The following LARP4B variants were observed in gnomAD, a reference collection of about 807,000 sequenced individuals.
LARP4B encodes the protein La ribonucleoprotein 4B.
LARP4B carries 12 observed loss-of-function variants against 89.8 expected under a neutral mutation model. The ratio of observed to expected loss-of-function variants is 0.13; its 90% CI spans 0.09 to 0.22. The LOEUF (loss-of-function observed/expected upper bound fraction) is 0.22. LARP4B is among the 10% of genes least tolerant of loss of function. The pLI is 1.00. For missense variants in LARP4B, 757 were observed against 947.7 expected (o/e 0.80, Z 2.64); for synonymous variants, 367 against 363.3 (o/e 1.01, Z -0.12).
intron 8 of LARP4B, 72 bp downstream of exon 8, chr10:836,331 T>C: frequency 9.1e-7 from 1 of 1,097,250 alleles, no homozygotes; most frequent in South Asian, 1.4e-5. Flanking sequence ...AACACAAAAG[T>C]AAAATAAAAT....
At position 829,523 on chromosome 10, in the gene LARP4B, C is replaced by T; in HGVS notation, c.987G>A (p.Val329=). Residue 329 remains valine (V), a synonymous_variant, in exon 11 of 18, where the codon GTG becomes GTA. Coordinates refer to ENST00000316157, the MANE Select transcript of LARP4B (RefSeq NM_015155.3). ...CGTAGCGCTGCTGGGCATACAGGCT[C>T]ACGTCCAGGGGTCTAAATCCATTCT... The part of the protein sequence containing the change: ...LPKNGFRPLD[V]SLYAQQRYAT... The T allele has an allele frequency of 9.3e-6, 15 of 1,614,164 alleles. No homozygotes were observed. Among genetic ancestry groups the T allele is most frequent in the Non-Finnish European group, 1.2e-5 (14 of 1,180,034 alleles).
intron 7 of LARP4B, among the ~76,000 whole-genome samples, chr10:839,093 T>C (rs1295809980): frequency 1.3e-5 from 2 of 152,204 alleles, no homozygotes; most frequent in African/African-American, 4.8e-5. Context: ...GATCAGTGGC[T>C]TCCAGTGACT....
At chr10:932,220 GACCCTGGCCACCCAGGACAC>G (rs1393292540), upstream of LARP4B, among the ~76,000 whole-genome samples, 58 of 68,814 alleles carry the variant, frequency 8.4e-4, no homozygotes, top group African/African-American at 3.3e-3. Context: ...CCCAGGCCCC[GACCCTGGCCACCCAGGACAC>G]GCCCTGGCCC....
rs1334322133 is a variant in LARP4B at position 863,831 on chromosome 10, T to C, written c.342A>G (p.Pro114=). Residue 114 remains proline (P), a synonymous_variant, in exon 5 of 18, where the codon CCA becomes CCG. Transcript: ENST00000316157. The stretch of plus-strand genomic sequence containing the variant: ...CTGCTGGGTCCGACTCCTGCGGGTC[T>C]GGCAATGCGGCATTCTCATGGCCCT... ...GDQGHENAAL[P]DPQESDPADM... is the part of the protein sequence containing the mutation. 1.2e-6 allele frequency: 2 copies of C among 1,614,080 alleles called. No individual in the cohort carries two copies. Among genetic ancestry groups the C allele is most frequent in the Non-Finnish European group, 1.7e-6 (2 of 1,180,038 alleles).
intron 3 of LARP4B, among the ~76,000 whole-genome samples, 161 bp from the exon 4 acceptor site, chr10:864,431 A>G (rs1834788109): frequency 1.3e-5 from 2 of 152,114 alleles, no homozygotes; most frequent in African/African-American, 4.8e-5. Context: ...ATTAAAAAAA[A>G]AAAAAAAGCA....
At chr10:834,715 C>T (rs148509243) in intron 8 of LARP4B, among the ~76,000 whole-genome samples, 3,246 of 152,270 alleles carry the variant, frequency 0.021, 65 homozygotes, top group Admixed American at 0.061. Flanking sequence ...AATATAAATA[C>T]TCCAAAATCA....
chr10:863,914 G>A (rs1393007561), intron 4 of LARP4B, 31 bp from the exon 5 acceptor site: 6 of 1,594,572 alleles, frequency 3.8e-6, no homozygotes, highest in East Asian at 2.2e-5. Context: ...CAAAAAGGCA[G>A]GGTTAGAAGC....
At chr10:852,157 G>C (rs1254989391) in intron 5 of LARP4B, among the ~76,000 whole-genome samples, 1 of 152,090 alleles carries the variant, frequency 6.6e-6, no homozygotes, top group Non-Finnish European at 1.5e-5. Flanking sequence ...CTCATATGAG[G>C]GTGAAATAAT....
intron 1 of LARP4B, among the ~76,000 whole-genome samples, chr10:924,854 C>A (rs931192138): frequency 1.3e-5 from 2 of 152,238 alleles, no homozygotes; most frequent in African/African-American, 4.8e-5. Context: ...ATCTATCCCT[C>A]TTGTTCACCA....
the LARP4B span, among the ~76,000 whole-genome samples, chr10:957,330 T>C: frequency 6.6e-6 from 1 of 152,014 alleles, no homozygotes; most frequent in East Asian, 1.9e-4. Flanking sequence ...ACTCGGCTGA[T>C]TTTTGTTTTG....
At chr10:949,728 C>T in the LARP4B span, among the ~76,000 whole-genome samples, 1 of 152,232 alleles carries the variant, frequency 6.6e-6, no homozygotes, top group African/African-American at 2.4e-5. Context: ...GACATCTCTT[C>T]TTGTGCTTAT....
At chr10:839,905 C>T (rs552307075) in intron 7 of LARP4B, among the ~76,000 whole-genome samples, 5 of 152,210 alleles carry the variant, frequency 3.3e-5, no homozygotes, top group Admixed American at 6.5e-5. Flanking sequence ...TCTATAACTG[C>T]TAGGTGCATA....
chr10:927,703 A>G (rs978860305), intron 1 of LARP4B, among the ~76,000 whole-genome samples: 2 of 152,256 alleles, frequency 1.3e-5, no homozygotes, highest in Non-Finnish European at 2.9e-5. Flanking sequence ...AAACCCTTAC[A>G]GCAGTGTCTG....
Position 820,958 on chromosome 10 carries a change from T to C in LARP4B, c.1485-113A>G, listed in dbSNP as rs150236877. 68 of 877,924 alleles carry C rather than the reference T, an allele frequency of 7.7e-5. No homozygotes were observed. In the East Asian group the frequency reaches 1.6e-3, roughly 20 times the overall value. The allele number at this position is 877,924 out of a possible 1,614,324, so 54.4% of individuals were successfully genotyped here. On this transcript the variant is annotated intron_variant, in intron 13 of 17. Transcript: ENST00000316157. ...ACACATCAATTCAGTCTTTATCACT[T>C]TGAAACCTTTCAAAGATGACTTTCA...
intron 1 of LARP4B, among the ~76,000 whole-genome samples, chr10:916,946 T>C (rs2132036490): frequency 6.6e-6 from 1 of 152,240 alleles, no homozygotes; most frequent in East Asian, 1.9e-4. Context: ...GATCCTCCCT[T>C]CTTGGCCTCC....
chr10:966,237 T>C, the LARP4B span, among the ~76,000 whole-genome samples: 1 of 152,106 alleles, frequency 6.6e-6, no homozygotes, highest in African/African-American at 2.4e-5. Context: ...GGAGGATTGA[T>C]TGAGGCCAGG....
intron 1 of LARP4B, among the ~76,000 whole-genome samples, chr10:919,075 C>A (rs896454877): frequency 6.6e-6 from 1 of 151,656 alleles, no homozygotes. Context: ...AGTGAGACTC[C>A]GTCTCAAAAA....
intron 8 of LARP4B, among the ~76,000 whole-genome samples, chr10:834,932 C>T (rs926893549): frequency 7.3e-5 from 11 of 151,338 alleles, no homozygotes; most frequent in African/African-American, 2.2e-4. Context: ...CCCAGCTACT[C>T]GGGAGGCTGA....
the LARP4B span, among the ~76,000 whole-genome samples, chr10:974,151 G>C: frequency 6.6e-6 from 1 of 152,160 alleles, no homozygotes; most frequent in African/African-American, 2.4e-5. Flanking sequence ...TGGGAGAGCT[G>C]GTTTGGAATG....
Sources: gnomAD v4.1 joint callset for allele counts (sites outside exome capture counted in the v4.1 genomes callset) on GRCh38, gnomAD v4.1.1 for gene constraint, MANE v1.5 for transcripts, NCBI Gene and HGNC (gene_info 2026-07-23, HGNC 2026-07-21) for gene names.